Variants in EPB41L4A observed in about 807,000 individuals in gnomAD.
EPB41L4A encodes band 4.1-like protein 4A.
EPB41L4A carries 100 observed loss-of-function variants against 108.6 expected under a neutral mutation model. That is an observed-to-expected ratio of 0.92 (90% CI 0.78 to 1.09). The LOEUF is 1.09. Ranked by LOEUF, EPB41L4A falls within the 50% of genes least tolerant of loss-of-function variation. EPB41L4A has a pLI of 0.00. For missense variants in EPB41L4A, 1,030 were observed against 842.7 expected (o/e 1.22, Z -2.75); for synonymous variants, 319 against 289.0 (o/e 1.10, Z -1.05).
At chr5:112,357,624 T>C (rs376151084) in intron 1 of EPB41L4A, among the ~76,000 whole-genome samples, 1 of 152,158 alleles carries the variant, frequency 6.6e-6, no homozygotes, top group Non-Finnish European at 1.5e-5. Flanking sequence ...ATCCCTCAAA[T>C]GTGAAATCAT....
intron 5 of EPB41L4A, 115 bp downstream of exon 5, chr5:112,266,118 C>A (rs186729384): frequency 6.7e-6 from 5 of 750,202 alleles, no homozygotes; most frequent in East Asian, 2.8e-5. Flanking sequence ...AATTCAATTT[C>A]TTTTTTTTGC....
intron 4 of EPB41L4A, among the ~76,000 whole-genome samples, chr5:112,272,618 A>G (rs1752342263): frequency 6.6e-6 from 1 of 151,718 alleles, no homozygotes; most frequent in South Asian, 2.1e-4. Context: ...TGAATCTACT[A>G]AAAATACAAA....
intron 12 of EPB41L4A, among the ~76,000 whole-genome samples, chr5:112,210,874 T>TA (rs1386541997): frequency 5.3e-5 from 8 of 152,000 alleles, no homozygotes; most frequent in Non-Finnish European, 1.0e-4. Flanking sequence ...TACAGGTGTG[T>TA]CTTCCTCGGA....
intron 1 of EPB41L4A, among the ~76,000 whole-genome samples, chr5:112,348,300 T>C (rs1322666686): frequency 6.6e-6 from 1 of 152,230 alleles, no homozygotes; most frequent in Non-Finnish European, 1.5e-5. Context: ...TTATGCAGTA[T>C]ATATGATTTT....
At chr5:112,205,661 T>C (rs1231354430) in intron 13 of EPB41L4A, among the ~76,000 whole-genome samples, 157 bp from the exon 14 acceptor site, 2 of 152,258 alleles carry the variant, frequency 1.3e-5, no homozygotes, top group Non-Finnish European at 2.9e-5. Flanking sequence ...ATGAAGTCGC[T>C]GCCCATAAAA....
In EPB41L4A at chr5:112,236,133, T is replaced by C. The variant is rs116302585; in HGVS notation, c.966-1378A>G. Among the ~76,000 whole-genome samples, 880 of 152,272 alleles carry C rather than the reference T, an allele frequency of 5.8e-3. 3 individuals carry two copies. Among genetic ancestry groups the C allele is most frequent in the Middle Eastern group, 0.01 (3 of 294 alleles). On this transcript the variant is annotated intron_variant, in intron 11 of 22. Transcript: ENST00000261486. Reference sequence around the variant, plus strand: ...ACCCAATATGTGAACCACTGAGGCATTTCACAGTCAGATTTTTTTTATTAT... The same window carrying C: ...ACCCAATATGTGAACCACTGAGGCACTTCACAGTCAGATTTTTTTTATTAT...
chr5:112,360,802 C>T (rs965991673), intron 1 of EPB41L4A, among the ~76,000 whole-genome samples: 2 of 151,974 alleles, frequency 1.3e-5, no homozygotes, highest in African/African-American at 4.8e-5. Context: ...CGTCTCTGCC[C>T]GGCCGCCCAT....
intron 12 of EPB41L4A, among the ~76,000 whole-genome samples, chr5:112,227,720 C>A (rs1748570328): frequency 2.6e-5 from 4 of 152,218 alleles, no homozygotes; most frequent in Admixed American, 1.3e-4. Context: ...TTGCATCTGA[C>A]ACAATGTGCC....
At chr5:112,263,474 C>T (rs1247819220) in intron 6 of EPB41L4A, 2 of 152,212 alleles carry the variant, frequency 1.3e-5, no homozygotes, top group African/African-American at 2.4e-5. Context: ...AATGTCAACA[C>T]TATCATCTAA....
chr5:112,161,724 T>C (rs2150179365), downstream of EPB41L4A: 1 of 459,828 alleles, frequency 2.2e-6, no homozygotes, highest in Non-Finnish European at 4.4e-6. Flanking sequence ...ATGCCTGAAG[T>C]GTAGACTGCT....
At chr5:112,241,161 T>TA (rs1463034609) in intron 9 of EPB41L4A, among the ~76,000 whole-genome samples, 10 of 151,556 alleles carry the variant, frequency 6.6e-5, no homozygotes, top group South Asian at 2.1e-4. Flanking sequence ...CAACTCCCAG[T>TA]AAAAAAAAGA....
chr5:112,362,548 T>C (rs1758839751), intron 1 of EPB41L4A, among the ~76,000 whole-genome samples: 1 of 152,200 alleles, frequency 6.6e-6, no homozygotes. Context: ...CCCAAAGTGC[T>C]GGGATTACAG....
At chr5:112,171,078 G>A in intron 18 of EPB41L4A, 86 bp from the exon 19 acceptor site, 2 of 1,223,614 alleles carry the variant, frequency 1.6e-6, no homozygotes, top group South Asian at 2.5e-5. Flanking sequence ...TTCAGACTGT[G>A]AAGTTCTTAT....
chr5:112,333,199 G>A (rs548716582), intron 1 of EPB41L4A, among the ~76,000 whole-genome samples: 1 of 152,270 alleles, frequency 6.6e-6, no homozygotes, highest in South Asian at 2.1e-4. Flanking sequence ...CTCTGGCTGA[G>A]AAGCTGCACC....
intron 12 of EPB41L4A, among the ~76,000 whole-genome samples, chr5:112,154,728 G>A (rs1220930498): frequency 1.3e-5 from 2 of 152,096 alleles, no homozygotes; most frequent in African/African-American, 4.8e-5. Flanking sequence ...AACAAATGTG[G>A]AGTGATTCAT....
chr5:112,190,461 TAAG>T (rs950822363), intron 17 of EPB41L4A, among the ~76,000 whole-genome samples: 8 of 152,072 alleles, frequency 5.3e-5, no homozygotes, highest in Non-Finnish European at 1.0e-4. Context: ...AATCACAAGT[TAAG>T]AATCCTGGTG....
intron 9 of EPB41L4A, among the ~76,000 whole-genome samples, chr5:112,251,716 G>T (rs1405023117): frequency 6.6e-6 from 1 of 152,142 alleles, no homozygotes. Context: ...ATTTTTGAAA[G>T]CAAGTTAACC....
chr5:112,166,619 T>C (rs1201285431), intron 22 of EPB41L4A, among the ~76,000 whole-genome samples: 2 of 152,202 alleles, frequency 1.3e-5, no homozygotes, highest in Non-Finnish European at 1.5e-5. Flanking sequence ...GAGGTCACTT[T>C]GTTGCTTCTC....
chr5:112,380,792 T>A (rs10041243), intron 1 of EPB41L4A, among the ~76,000 whole-genome samples: 3 of 141,114 alleles, frequency 2.1e-5, no homozygotes, highest in Non-Finnish European at 4.6e-5. Context: ...ATCACACACA[T>A]ACACACACAC....
Sources: gnomAD v4.1 joint callset for allele counts (sites outside exome capture counted in the v4.1 genomes callset) on GRCh38, gnomAD v4.1.1 for gene constraint, MANE v1.5 for transcripts, NCBI Gene and HGNC (gene_info 2026-07-23, HGNC 2026-07-21) for gene names.